Variants in LINGO2 observed in about 807,000 individuals in gnomAD.
LINGO2 encodes the protein leucine rich repeat and Ig domain containing 2, also known as leucine-rich repeat and immunoglobulin-like domain-containing nogo receptor-interacting protein 2.
In LINGO2, 14 loss-of-function variants were observed where a neutral mutation model predicts 30.6. That is an observed-to-expected ratio of 0.46 (90% confidence interval 0.30 to 0.72). The LOEUF (loss-of-function observed/expected upper bound fraction) is 0.72. Among genes scored for constraint, LINGO2 ranks in the 30% least tolerant of loss-of-function variants. LINGO2 has a pLI of 0.07. For missense variants in LINGO2, 729 were observed against 751.7 expected, an observed-to-expected ratio of 0.97 and a Z score of 0.35; for synonymous variants, 317 against 288.5, an observed-to-expected ratio of 1.10 and a Z score of -1.00.
At chr9:28,980,988 G>T in the LINGO2 span, among the ~76,000 whole-genome samples, 1 of 152,190 alleles carries the variant, frequency 6.6e-6, no homozygotes, top group Non-Finnish European at 1.5e-5. Context: ...ATTGAGGAAG[G>T]AGGGGTGAAA....
At chr9:28,077,541 C>T (rs1437991652) in intron 4 of LINGO2, among the ~76,000 whole-genome samples, 1 of 152,004 alleles carries the variant, frequency 6.6e-6, no homozygotes, top group Non-Finnish European at 1.5e-5. Flanking sequence ...ACCCATGTTC[C>T]TATTTAAGTA....
At chr9:28,994,960 C>T in the LINGO2 span, among the ~76,000 whole-genome samples, 1 of 152,058 alleles carries the variant, frequency 6.6e-6, no homozygotes, top group Non-Finnish European at 1.5e-5. Context: ...TAGGCATGGG[C>T]AAGGACTTCA....
chr9:28,308,768 G>A (rs1824479833), intron 3 of LINGO2, among the ~76,000 whole-genome samples: 1 of 151,908 alleles, frequency 6.6e-6, no homozygotes, highest in Non-Finnish European at 1.5e-5. Context: ...AAAAGTGGGT[G>A]AAGGACATGA....
chr9:28,413,205 G>A (rs1174644071), intron 2 of LINGO2, among the ~76,000 whole-genome samples: 2 of 151,944 alleles, frequency 1.3e-5, no homozygotes, highest in African/African-American at 4.8e-5. Context: ...GCAGATTTTC[G>A]ACTGTGCAGG....
intron 5 of LINGO2, among the ~76,000 whole-genome samples, chr9:27,950,953 A>T (rs1384627074): frequency 6.6e-6 from 1 of 152,200 alleles, no homozygotes; most frequent in African/African-American, 2.4e-5. Flanking sequence ...ATAGCTTCCC[A>T]GAGTTGTCAT....
intron 2 of LINGO2, among the ~76,000 whole-genome samples, chr9:28,405,430 G>A (rs1245029043): frequency 1.3e-5 from 2 of 152,076 alleles, no homozygotes; most frequent in Non-Finnish European, 2.9e-5. Context: ...ATCGCCTCTA[G>A]TTAGAGGTCT....
At chr9:28,481,319 TC>T (rs1198505137) in intron 1 of LINGO2, among the ~76,000 whole-genome samples, 1 of 152,196 alleles carries the variant, frequency 6.6e-6, no homozygotes, top group Non-Finnish European at 1.5e-5. Context: ...TTATGGCTAC[TC>T]TAAGCCTTTA....
chr9:28,606,193 C>A (rs1825687729), intron 1 of LINGO2, among the ~76,000 whole-genome samples: 1 of 151,872 alleles, frequency 6.6e-6, no homozygotes, highest in Non-Finnish European at 1.5e-5. Flanking sequence ...AAATAGGGAC[C>A]ATCTTTTAAA....
At chr9:28,083,950 G>C (rs993746398) in intron 4 of LINGO2, among the ~76,000 whole-genome samples, 6 of 152,100 alleles carry the variant, frequency 3.9e-5, no homozygotes, top group Admixed American at 3.9e-4. Flanking sequence ...TCCACATCAA[G>C]ATTATAATCT....
At chr9:28,320,115 C>T (rs1403063913) in intron 3 of LINGO2, among the ~76,000 whole-genome samples, 1 of 152,134 alleles carries the variant, frequency 6.6e-6, no homozygotes, top group African/African-American at 2.4e-5. Context: ...AATTCCATCA[C>T]ACGTCAGTTG....
chr9:28,189,501 A>AGGG (rs1819700623), intron 4 of LINGO2, among the ~76,000 whole-genome samples: 3 of 11,476 alleles, frequency 2.6e-4, no homozygotes, highest in Non-Finnish European at 5.2e-4. Flanking sequence ...GGAAGGGAGG[A>AGGG]AGGAAGGAAG....
At chr9:29,105,859 A>C in the LINGO2 span, among the ~76,000 whole-genome samples, 1 of 152,176 alleles carries the variant, frequency 6.6e-6, no homozygotes, top group Admixed American at 6.5e-5. Flanking sequence ...GAGACAGCAC[A>C]ATAACAGAGA....
At chr9:28,923,418 T>C in the LINGO2 span, among the ~76,000 whole-genome samples, 1 of 152,166 alleles carries the variant, frequency 6.6e-6, no homozygotes, top group Non-Finnish European at 1.5e-5. Flanking sequence ...TGGATTCTCT[T>C]ACAGAACAAA....
At chr9:28,008,508 T>C (rs1822383738) in intron 5 of LINGO2, among the ~76,000 whole-genome samples, 1 of 151,904 alleles carries the variant, frequency 6.6e-6, no homozygotes. Context: ...AAGACTCAGA[T>C]TGTAAAGGAA....
chr9:28,124,278 TG>T (rs1212875698), intron 4 of LINGO2, among the ~76,000 whole-genome samples: 3 of 152,238 alleles, frequency 2.0e-5, no homozygotes, highest in African/African-American at 7.2e-5. Flanking sequence ...GAAGAATGTT[TG>T]AAGTTAACAT....
At chr9:27,942,378 T>C in the LINGO2 span, 1 of 152,176 alleles carries the variant, frequency 6.6e-6, no homozygotes, top group Non-Finnish European at 1.5e-5. Flanking sequence ...CATATTGCAT[T>C]TCTTATTAAT....
intron 2 of LINGO2, among the ~76,000 whole-genome samples, chr9:28,469,543 C>A (rs923818281): frequency 6.6e-6 from 1 of 151,970 alleles, no homozygotes; most frequent in Non-Finnish European, 1.5e-5. Context: ...AGGCCAAAAA[C>A]AGGGAGAGAA....
At chr9:29,069,438 T>TC in the LINGO2 span, among the ~76,000 whole-genome samples, 29,729 of 151,570 alleles carry the variant, frequency 0.2, 3,053 homozygotes, top group African/African-American at 0.24. Flanking sequence ...ATATAATGTA[T>TC]CTAGGTCCAA....
intron 3 of LINGO2, among the ~76,000 whole-genome samples, chr9:28,305,338 T>G (rs183811882): frequency 2.0e-5 from 3 of 152,110 alleles, no homozygotes; most frequent in East Asian, 1.9e-4. Context: ...CTCCCATCAC[T>G]TCTGTTCAAC....
Sources: allele counts gnomAD v4.1 joint callset (sites outside exome capture counted in the v4.1 genomes callset), GRCh38; gene constraint gnomAD v4.1.1; transcripts MANE v1.5; gene names NCBI Gene and HGNC (gene_info 2026-07-23, HGNC 2026-07-21).